The following KIF13B variants were observed in gnomAD, a reference collection of about 807,000 sequenced individuals.
KIF13B encodes kinesin-like protein KIF13B.
KIF13B carries 127 observed loss-of-function variants against 222.0 expected under a neutral mutation model. That is an observed-to-expected ratio of 0.57 (90% confidence interval 0.50 to 0.66). The LOEUF (loss-of-function observed/expected upper bound fraction) is 0.66. Ranked by LOEUF, KIF13B falls within the 30% of genes least tolerant of loss-of-function variation. The probability of loss-of-function intolerance (pLI) is 0.00; values close to 1 mark genes in which losing one functional copy is unlikely to be tolerated. For missense variants in KIF13B, 2,173 were observed against 2,379.0 expected (o/e 0.91, Z 1.80); for synonymous variants, 976 against 919.0 (o/e 1.06, Z -1.12).
intron 2 of KIF13B, among the ~76,000 whole-genome samples, chr8:29,228,886 CTT>C (rs1368081832): frequency 6.6e-6 from 1 of 152,034 alleles, no homozygotes; most frequent in Non-Finnish European, 1.5e-5. Flanking sequence ...ACCAAAACGG[CTT>C]AGATCAGTTC....
chr8:29,261,043 G>A (rs2117190480), intron 1 of KIF13B, among the ~76,000 whole-genome samples: 1 of 152,210 alleles, frequency 6.6e-6, no homozygotes, highest in Non-Finnish European at 1.5e-5. Flanking sequence ...TAACAAAAAT[G>A]GAAAAGAACA....
At chr8:29,176,615 A>C (rs372990745) in intron 9 of KIF13B, among the ~76,000 whole-genome samples, 6 of 152,228 alleles carry the variant, frequency 3.9e-5, no homozygotes, top group African/African-American at 1.4e-4. Context: ...CAAGGACAGA[A>C]AAACTTCCTA....
chr8:29,167,128 A>G (rs1812037756), intron 11 of KIF13B, among the ~76,000 whole-genome samples: 1 of 152,176 alleles, frequency 6.6e-6, no homozygotes, highest in South Asian at 2.1e-4. Flanking sequence ...GCCTGAATAG[A>G]AATGCAAACA....
intron 2 of KIF13B, among the ~76,000 whole-genome samples, chr8:29,228,472 A>AAAAAAAAAAATATATAT: frequency 1.2e-4 from 14 of 117,074 alleles, no homozygotes; most frequent in African/African-American, 3.3e-4. Flanking sequence ...ATCTTAAAAA[A>AAAAAAAAAAATATATAT]ATATATATAT....
chr8:29,126,891 G>A (rs1013105970), intron 25 of KIF13B, among the ~76,000 whole-genome samples: 10 of 152,126 alleles, frequency 6.6e-5, no homozygotes, highest in African/African-American at 2.4e-4. Flanking sequence ...TGGAATCTAT[G>A]AAGGCTGAGA....
chr8:29,241,808 G>C (rs193117412), intron 2 of KIF13B, among the ~76,000 whole-genome samples: 360 of 151,604 alleles, frequency 2.4e-3, no homozygotes, highest in African/African-American at 8.4e-3. Context: ...TGAGTACACA[G>C]CTATTTAATA....
intron 2 of KIF13B, among the ~76,000 whole-genome samples, chr8:29,241,067 GATGA>G (rs1251708619): frequency 6.6e-6 from 1 of 152,152 alleles, no homozygotes; most frequent in Non-Finnish European, 1.5e-5. Context: ...CCCATCAACT[GATGA>G]ATGGATAAAC....
intron 26 of KIF13B, among the ~76,000 whole-genome samples, chr8:29,125,976 C>T (rs559135889): frequency 2.0e-5 from 3 of 151,960 alleles, no homozygotes; most frequent in Non-Finnish European, 4.4e-5. Context: ...GGCATGGTGG[C>T]GTGCACCTGT....
intron 37 of KIF13B, among the ~76,000 whole-genome samples, chr8:29,078,127 CAAAA>C (rs10530503): frequency 1.1e-4 from 8 of 74,280 alleles, no homozygotes; most frequent in African/African-American, 3.0e-4. Flanking sequence ...TACTAAAATC[CAAAA>C]AAAAAAAAAA....
chr8:29,201,658 A>T (rs1813699171), intron 2 of KIF13B, among the ~76,000 whole-genome samples: 3 of 152,252 alleles, frequency 2.0e-5, no homozygotes, highest in Admixed American at 6.5e-5. Context: ...GAGTTGCTGA[A>T]ATCTTCACAA....
intron 5 of KIF13B, 35 bp downstream of exon 5, chr8:29,188,480 G>T: frequency 8.1e-7 from 1 of 1,242,236 alleles, no homozygotes; most frequent in Non-Finnish European, 1.2e-6. Context: ...TTTCATTGAT[G>T]GTTGTTTATG....
rs140825515 is a variant in KIF13B, at chr8:29,115,757, G to A, written c.3837+1074C>T. ...ACCCCCAGCACATGGAGCTCCTCGC[G>A]GTCCCCGATCCTGCCCCGTCCTGCC... On this transcript the variant is annotated intron_variant, in intron 31 of 39. Transcript: ENST00000524189. Among the ~76,000 whole-genome samples the A allele has an allele frequency of 1.1e-4, 17 of 152,178 alleles. No individual in the cohort carries two copies. In the East Asian group the frequency reaches 1.9e-3, roughly 17 times the overall value.
chr8:29,263,148 TG>T, upstream of KIF13B: 1 of 343,834 alleles, frequency 2.9e-6, no homozygotes, highest in Non-Finnish European at 5.0e-6. Flanking sequence ...GGGACCGGGC[TG>T]GGGGCGGGGC....
chr8:29,126,227 G>A (rs901508575), intron 26 of KIF13B, among the ~76,000 whole-genome samples: 3 of 152,180 alleles, frequency 2.0e-5, no homozygotes, highest in South Asian at 2.1e-4. Flanking sequence ...CCAGAGAAAC[G>A]GATCTTCAGG....
chr8:29,192,632 G>A (rs1441895946), intron 3 of KIF13B, among the ~76,000 whole-genome samples: 6 of 152,164 alleles, frequency 3.9e-5, no homozygotes, highest in Non-Finnish European at 8.8e-5. Flanking sequence ...GATGTTGGCA[G>A]GAGAATGTTT....
chr8:29,167,441 T>C lies in KIF13B; in HGVS notation c.1090A>G (p.Asn364Asp), dbSNP rs1812055382. The C allele has an allele frequency of 6.2e-7, 1 of 1,613,894 alleles. No individual in the cohort carries two copies. The highest frequency in any genetic ancestry group is 8.5e-7 in the Non-Finnish European group (1 of 1,179,870). Residue 364 changes from asparagine to aspartate, a missense_variant, in exon 11 of 40, where the codon AAT becomes GAT. Physicochemically the swap from Asn to Asp is conservative, Grantham distance 23. Coordinates refer to ENST00000524189, the MANE Select transcript of KIF13B (RefSeq NM_015254.4). ...CGGAGATCCCGGATAATTCGGGCATTAGGGTCCTCATTCACCACAGCGTGG... is the reference window on the plus strand; with the variant it reads ...CGGAGATCCCGGATAATTCGGGCATCAGGGTCCTCATTCACCACAGCGTGG... The part of the protein sequence containing the change: ...VNHAVVNEDP[N>D]ARIIRDLREE...
intron 21 of KIF13B, 103 bp from the exon 22 acceptor site, chr8:29,134,313 T>A (rs1810468965): frequency 1.9e-6 from 2 of 1,072,718 alleles, no homozygotes; most frequent in Admixed American, 4.4e-5. Flanking sequence ...TAGGTGCTTA[T>A]GATATTTATG....
chr8:29,125,970 T>A (rs759370154), intron 26 of KIF13B, among the ~76,000 whole-genome samples: 18 of 151,862 alleles, frequency 1.2e-4, no homozygotes, highest in Non-Finnish European at 2.5e-4. Context: ...TAGCTGGGCA[T>A]GGTGGCGTGC....
Position 29,070,871 on chromosome 8 carries a change from C to A in KIF13B, c.5219-105G>T, listed in dbSNP as rs151099051. 2.5e-6 allele frequency: 3 copies of A among 1,222,166 alleles called. No homozygotes were observed. Among genetic ancestry groups the A allele is most frequent in the Non-Finnish European group, 1.2e-6 (1 of 865,488 alleles). The allele number at this position is 1,222,166 out of a possible 1,614,324, so 75.7% of individuals were successfully genotyped here. A position where few individuals can be genotyped will look rare whatever the true frequency, so the allele number is the denominator to read the frequency against. ...CCATGTGCCCACACTGCCACCCCCC[C>A]GCACAGGCCCTACACAGCCAGCACT... On this transcript the variant is annotated intron_variant, in intron 39 of 39. Transcript: ENST00000524189. The surrounding 1 kb of genome is among the most constrained non-coding windows in gnomAD (Gnocchi z 4.1).
Sources: gnomAD v4.1 joint callset for allele counts (sites outside exome capture counted in the v4.1 genomes callset) on GRCh38, gnomAD v4.1.1 for gene constraint, Gnocchi (gnomAD v3.1) non-coding constraint, MANE v1.5 for transcripts, NCBI Gene and HGNC (gene_info 2026-07-23, HGNC 2026-07-21) for gene names.